The following ARID5B variants were observed in gnomAD, a reference collection of about 807,000 sequenced individuals.
ARID5B encodes AT-rich interaction domain 5B, also known as AT-rich interactive domain-containing protein 5B.
ARID5B carries 13 observed loss-of-function variants against 97.2 expected under a neutral mutation model. That is an observed-to-expected ratio of 0.13 (90% CI 0.09 to 0.21). The LOEUF is 0.21. ARID5B is among the 10% of genes least tolerant of loss of function. The pLI is 1.00. For missense variants in ARID5B, 1,210 were observed against 1,465.3 expected (o/e 0.83, Z 2.84); for synonymous variants, 556 against 570.3 (o/e 0.97, Z 0.36).
At chr10:61,955,005 T>TTAAAAAA (rs1207667949) in intron 3 of ARID5B, among the ~76,000 whole-genome samples, 6 of 139,152 alleles carry the variant, frequency 4.3e-5, no homozygotes, top group Non-Finnish European at 9.9e-5. Context: ...AAACTCCATC[T>TTAAAAAA]CAAAAAAAAA....
intron 4 of ARID5B, chr10:62,049,439 A>C (rs182770395): frequency 1.3e-6 from 2 of 1,550,398 alleles, no homozygotes; most frequent in Non-Finnish European, 1.7e-6. Flanking sequence ...TGTAGCTTTC[A>C]TGAGCACAGG....
At chr10:61,944,312 T>C (rs1844465431) in intron 3 of ARID5B, among the ~76,000 whole-genome samples, 1 of 152,214 alleles carries the variant, frequency 6.6e-6, no homozygotes, top group South Asian at 2.1e-4. Context: ...CACACAAGCC[T>C]CTAGTTATTT....
intron 2 of ARID5B, among the ~76,000 whole-genome samples, chr10:61,925,610 C>T (rs556672145): frequency 6.6e-6 from 1 of 152,190 alleles, no homozygotes; most frequent in South Asian, 2.1e-4. Context: ...ATTTTCTGCT[C>T]TCTGTGTAAG....
At chr10:61,917,355 C>T (rs957062174) in intron 2 of ARID5B, among the ~76,000 whole-genome samples, 1 of 152,050 alleles carries the variant, frequency 6.6e-6, no homozygotes, top group Non-Finnish European at 1.5e-5. Context: ...AAGACAGAGT[C>T]TCGCTCTGTC....
chr10:61,971,539 T>A (rs543184836), intron 3 of ARID5B, among the ~76,000 whole-genome samples: 5 of 152,364 alleles, frequency 3.3e-5, no homozygotes, highest in Non-Finnish European at 7.3e-5. Flanking sequence ...GGAAACAGAT[T>A]GGCAGTGAAA....
At chr10:61,940,057 C>A in intron 2 of ARID5B, 126 bp from the exon 3 acceptor site, 3 of 738,222 alleles carry the variant, frequency 4.1e-6, no homozygotes, top group South Asian at 1.7e-5. Flanking sequence ...CACCAGAATG[C>A]ACACAGTCTC....
chr10:62,009,802 G>A lies in ARID5B; in HGVS notation c.733+9481G>A, dbSNP rs547103463. ...AGGAGGTCAAACCGTAGGTGCCACCGGAGTTAAAAGATCCATAAAAGAGAG... is the reference window on the plus strand; with the variant it reads ...AGGAGGTCAAACCGTAGGTGCCACCAGAGTTAAAAGATCCATAAAAGAGAG... On this transcript the variant is annotated intron_variant, in intron 4 of 9. Coordinates refer to ENST00000279873, the MANE Select transcript of ARID5B (RefSeq NM_032199.3). 5.9e-5 allele frequency among the ~76,000 whole-genome samples: 9 copies of A among 152,240 alleles called. No individual in the cohort carries two copies. In the East Asian group the frequency reaches 1.2e-3, roughly 20 times the overall value.
chr10:62,091,356 C>T lies in ARID5B; in HGVS notation c.1893C>T (p.Asp631=), dbSNP rs748888470. The T allele has an allele frequency of 6.2e-7, 1 of 1,614,068 alleles. No individual in the cohort carries two copies. The highest frequency in any genetic ancestry group is 1.3e-5 in the African/African-American group (1 of 74,916). The change falls in exon 10 of 10, where the codon GAC becomes GAT. Residue 631 remains aspartate (D), a synonymous_variant. Coordinates refer to ENST00000279873, the MANE Select transcript of ARID5B (RefSeq NM_032199.3). ...TTGCCAACTGCACCGTGAAGGTGGACCAGCTGGGCAGTGACGACATCCACA... is the reference window on the plus strand; with the variant it reads ...TTGCCAACTGCACCGTGAAGGTGGATCAGCTGGGCAGTGACGACATCCACA... The part of the protein sequence containing the change: ...DYIANCTVKV[D]QLGSDDIHNA...
In ARID5B at chr10:62,076,294, C is replaced by T. The variant is rs113814546; in HGVS notation, c.1199+6497C>T. Among the ~76,000 whole-genome samples, 505 of 152,262 alleles carry T rather than the reference C, an allele frequency of 3.3e-3. 3 individuals carry two copies. The highest frequency in any genetic ancestry group is 0.011 in the African/African-American group (472 of 41,562). On this transcript the variant is annotated intron_variant, in intron 8 of 9. Transcript: ENST00000279873. ...GTGGCTCACGCCTATAATCCCAGCACTTTGGGAGGCCGAGGCGGGCAGATG... is the reference window on the plus strand; with the variant it reads ...GTGGCTCACGCCTATAATCCCAGCATTTTGGGAGGCCGAGGCGGGCAGATG...
intron 3 of ARID5B, among the ~76,000 whole-genome samples, chr10:61,998,466 T>G (rs1379103026): frequency 6.6e-6 from 1 of 152,212 alleles, no homozygotes; most frequent in Non-Finnish European, 1.5e-5. Flanking sequence ...TCATGGAGCC[T>G]AAATTCAGCT....
At chr10:61,986,525 G>A (rs947012680) in intron 3 of ARID5B, among the ~76,000 whole-genome samples, 1 of 152,124 alleles carries the variant, frequency 6.6e-6, no homozygotes, top group Non-Finnish European at 1.5e-5. Flanking sequence ...GTTGAGGTGA[G>A]CCATGAATGA....
At chr10:62,021,696 C>T (rs956895158) in intron 4 of ARID5B, among the ~76,000 whole-genome samples, 22 of 152,168 alleles carry the variant, frequency 1.4e-4, no homozygotes, top group African/African-American at 5.1e-4. Context: ...TTTTCTACAA[C>T]AATGTTTATG....
intron 3 of ARID5B, among the ~76,000 whole-genome samples, chr10:61,941,630 C>T (rs1424539861): frequency 6.6e-6 from 1 of 151,784 alleles, no homozygotes; most frequent in Admixed American, 6.6e-5. Flanking sequence ...TTCATGTGAC[C>T]CTGGTTTGTG....
At chr10:61,940,435 T>C in intron 3 of ARID5B, 27 bp downstream of exon 3, 1 of 1,583,836 alleles carries the variant, frequency 6.3e-7, no homozygotes, top group South Asian at 1.1e-5. Flanking sequence ...ATTTTAAATC[T>C]AATGTGTGGG....
intron 8 of ARID5B, among the ~76,000 whole-genome samples, chr10:62,080,765 T>C (rs1840201487): frequency 6.6e-6 from 1 of 151,996 alleles, no homozygotes; most frequent in African/African-American, 2.4e-5. Flanking sequence ...GTTGAACCAA[T>C]ATGTCATTTC....
chr10:61,969,703 A>G lies in ARID5B; in HGVS notation c.502+29295A>G, dbSNP rs187663371. Among the ~76,000 whole-genome samples the G allele has an allele frequency of 8.6e-4, 131 of 152,252 alleles. 1 individual carries two copies. Among genetic ancestry groups the G allele is most frequent in the African/African-American group, 3.0e-3 (125 of 41,560 alleles). On this transcript the variant is annotated intron_variant, in intron 3 of 9. Transcript: ENST00000279873. Reference sequence around the variant, plus strand: ...AGGCTTCGTTTTTTAGTGACACTTTACCCAACCAATTTTCACTCAAGAATC... The same window carrying G: ...AGGCTTCGTTTTTTAGTGACACTTTGCCCAACCAATTTTCACTCAAGAATC...
chr10:62,021,054 A>C (rs1383185902), intron 4 of ARID5B, among the ~76,000 whole-genome samples: 2 of 133,034 alleles, frequency 1.5e-5, no homozygotes, highest in African/African-American at 7.0e-5. Flanking sequence ...ATATATATAT[A>C]TATATATATA....
At chr10:61,992,198 C>G (rs1838935865) in intron 3 of ARID5B, among the ~76,000 whole-genome samples, 1 of 152,138 alleles carries the variant, frequency 6.6e-6, no homozygotes, top group Admixed American at 6.5e-5. Context: ...TAATCCCTGT[C>G]TAGTGTGACA....
intron 3 of ARID5B, among the ~76,000 whole-genome samples, chr10:61,954,783 G>C (rs1326716730): frequency 6.6e-6 from 1 of 152,150 alleles, no homozygotes; most frequent in Non-Finnish European, 1.5e-5. Context: ...AAGGCAGGTG[G>C]ATCACCTGAG....
Sources: allele counts gnomAD v4.1 joint callset (sites outside exome capture counted in the v4.1 genomes callset), GRCh38; gene constraint gnomAD v4.1.1; transcripts MANE v1.5; gene names NCBI Gene and HGNC (gene_info 2026-07-23, HGNC 2026-07-21).